Variants in VEGFC observed in about 807,000 individuals in gnomAD.
VEGFC encodes vascular endothelial growth factor C, also known as FLT4 ligand DHM.
VEGFC carries 12 observed loss-of-function variants against 46.1 expected under a neutral mutation model. The observed-to-expected ratio is 0.26, with a 90% confidence interval of 0.17 to 0.42. The LOEUF is 0.42. Ranked by LOEUF, VEGFC falls within the 10% of genes least tolerant of loss-of-function variation. The pLI, the probability that VEGFC is intolerant of heterozygous loss-of-function variation, is 1.00. For synonymous variants in VEGFC, 232 were observed against 195.5 expected, an observed-to-expected ratio of 1.19 and a Z score of -1.56; for missense variants, 488 against 529.4, an observed-to-expected ratio of 0.92 and a Z score of 0.77.
At chr4:176,761,053 C>A (rs1327949649) in intron 1 of VEGFC, among the ~76,000 whole-genome samples, 1 of 152,094 alleles carries the variant, frequency 6.6e-6, no homozygotes, top group Non-Finnish European at 1.5e-5. Flanking sequence ...AAGGGGAAAA[C>A]GTTCTGTATT....
intron 1 of VEGFC, among the ~76,000 whole-genome samples, chr4:176,790,952 C>T: frequency 6.6e-6 from 1 of 152,136 alleles, no homozygotes; most frequent in East Asian, 1.9e-4. Flanking sequence ...AGAGGCATTC[C>T]TTTAACCCCT....
At chr4:176,738,585 A>C (rs1209707660) in intron 1 of VEGFC, among the ~76,000 whole-genome samples, 1 of 152,110 alleles carries the variant, frequency 6.6e-6, no homozygotes, top group East Asian at 1.9e-4. Flanking sequence ...GTAAAACTCA[A>C]AACTACAAAA....
chr4:176,738,063 A>T (rs1310752648), intron 1 of VEGFC, among the ~76,000 whole-genome samples: 1 of 152,052 alleles, frequency 6.6e-6, no homozygotes, highest in Non-Finnish European at 1.5e-5. Flanking sequence ...GGACACAAGC[A>T]AATGGAAAAG....
intron 1 of VEGFC, among the ~76,000 whole-genome samples, chr4:176,764,956 T>A (rs1337623918): frequency 6.6e-6 from 1 of 152,094 alleles, no homozygotes; most frequent in Admixed American, 6.5e-5. Flanking sequence ...AAAATAGGTA[T>A]TGTATACTCA....
intron 1 of VEGFC, among the ~76,000 whole-genome samples, chr4:176,778,862 T>TA (rs199921590): frequency 1.3e-5 from 2 of 152,024 alleles, no homozygotes; most frequent in East Asian, 1.9e-4. Flanking sequence ...ATATTCCCCC[T>TA]AAAAAAATGC....
chr4:176,777,997 C>T (rs1442066306), intron 1 of VEGFC, among the ~76,000 whole-genome samples: 1 of 144,266 alleles, frequency 6.9e-6, no homozygotes, highest in East Asian at 2.2e-4. Context: ...CAAAATGTGC[C>T]TAAATATATG....
At chr4:176,740,515 A>G (rs1410681204) in intron 1 of VEGFC, among the ~76,000 whole-genome samples, 1 of 21,814 alleles carries the variant, frequency 4.6e-5, no homozygotes, top group African/African-American at 5.0e-5. Flanking sequence ...TATTCTATAT[A>G]TAGAGAGTAT....
intron 1 of VEGFC, among the ~76,000 whole-genome samples, chr4:176,747,212 A>C (rs1204176320): frequency 6.6e-6 from 1 of 152,096 alleles, no homozygotes; most frequent in East Asian, 1.9e-4. Flanking sequence ...TTAAACACTA[A>C]TCAAGATAAA....
At chr4:176,710,544 G>C (rs1734604582) in intron 4 of VEGFC, among the ~76,000 whole-genome samples, 1 of 152,104 alleles carries the variant, frequency 6.6e-6, no homozygotes, top group Non-Finnish European at 1.5e-5. Context: ...TGATTCAGTG[G>C]GGAAAACCAT....
intron 1 of VEGFC, among the ~76,000 whole-genome samples, chr4:176,790,799 G>T (rs886267760): frequency 2.6e-5 from 4 of 152,114 alleles, no homozygotes; most frequent in African/African-American, 9.7e-5. Context: ...TTATTGAGCC[G>T]ATTATTACAT....
At chr4:176,710,750 T>C (rs982872796) in intron 4 of VEGFC, among the ~76,000 whole-genome samples, 4 of 152,082 alleles carry the variant, frequency 2.6e-5, no homozygotes, top group African/African-American at 7.2e-5. Flanking sequence ...CTCTCAGATC[T>C]TAGGCAGTAA....
chr4:176,756,219 T>G (rs760031985), intron 1 of VEGFC, among the ~76,000 whole-genome samples: 1 of 152,056 alleles, frequency 6.6e-6, no homozygotes, highest in Non-Finnish European at 1.5e-5. Context: ...TCTTATTTAA[T>G]AAAATGTACT....
chr4:176,702,680 T>C (rs1007166196), intron 4 of VEGFC, among the ~76,000 whole-genome samples: 3 of 152,140 alleles, frequency 2.0e-5, no homozygotes, highest in Admixed American at 6.6e-5. Context: ...TTTAGGGACA[T>C]TGTCCATGCT....
chr4:176,738,172 T>C (rs900964135), intron 1 of VEGFC, among the ~76,000 whole-genome samples: 16 of 152,024 alleles, frequency 1.1e-4, no homozygotes, highest in African/African-American at 3.9e-4. Context: ...AAACTACCAT[T>C]GGTATTCTTC....
In VEGFC at chr4:176,687,342, G is replaced by C; in HGVS notation, c.990C>G (p.Ala330=). ...ATGTGTTTTCATCAAATTCTCGGTTGGCCCCACATTGGCTGGGGAAGAGTT... is the reference window on the plus strand; with the variant it reads ...ATGTGTTTTCATCAAATTCTCGGTTCGCCCCACATTGGCTGGGGAAGAGTT... ...KNKLFPSQCG[A]NREFDENTCQ... The change falls in exon 6 of 7, where the codon GCC becomes GCG. Residue 330 remains alanine (A), a synonymous_variant. Coordinates refer to ENST00000618562, the MANE Select transcript of VEGFC (RefSeq NM_005429.5). 1 of 1,614,122 alleles carries C rather than the reference G, an allele frequency of 6.2e-7. No homozygotes were observed. Among genetic ancestry groups the C allele is most frequent in the Non-Finnish European group, 8.5e-7 (1 of 1,180,034 alleles).
At chr4:176,774,044 T>C (rs755995162) in intron 1 of VEGFC, among the ~76,000 whole-genome samples, 6 of 152,100 alleles carry the variant, frequency 3.9e-5, no homozygotes, top group South Asian at 2.1e-4. Context: ...AATTCACTTA[T>C]AGAGGCGGCT....
chr4:176,689,975 T>C (rs879503882), intron 4 of VEGFC, among the ~76,000 whole-genome samples: 1 of 152,216 alleles, frequency 6.6e-6, no homozygotes, highest in Non-Finnish European at 1.5e-5. Flanking sequence ...TTCACTATAA[T>C]TGTTCCCATT....
chr4:176,723,714 A>T lies in VEGFC; in HGVS notation c.552+4064T>A, dbSNP rs545167428. Among the ~76,000 whole-genome samples, 20 of 147,980 alleles carry T rather than the reference A, an allele frequency of 1.4e-4. No homozygotes were observed. In the South Asian group the frequency reaches 4.1e-3, roughly 30 times the overall value. ...TGCGACACAGGTAAACTTTTATTTT[A>T]GGTTTGGGGGTGCATGTGCAGGTTT... is the stretch of plus-strand genomic sequence containing the variant. On this transcript the variant is annotated intron_variant, in intron 3 of 6. Coordinates refer to ENST00000618562, the MANE Select transcript of VEGFC (RefSeq NM_005429.5).
At chr4:176,715,472 G>A (rs555865088) in intron 3 of VEGFC, among the ~76,000 whole-genome samples, 1 of 152,022 alleles carries the variant, frequency 6.6e-6, no homozygotes, top group Non-Finnish European at 1.5e-5. Flanking sequence ...TATGCCATCT[G>A]GGTATGTATT....
Sources: allele counts gnomAD v4.1 joint callset (sites outside exome capture counted in the v4.1 genomes callset), GRCh38; gene constraint gnomAD v4.1.1; transcripts MANE v1.5; gene names NCBI Gene and HGNC (gene_info 2026-07-23, HGNC 2026-07-21).